The following PRCD variants were observed in gnomAD, a reference collection of about 807,000 sequenced individuals.
The protein encoded by PRCD is photoreceptor disk component PRCD.
Under a neutral mutation model 10.1 loss-of-function variants are expected in PRCD, and 12 were observed. The observed-to-expected ratio is 1.18, with a 90% CI of 0.76 to 1.92. The LOEUF (loss-of-function observed/expected upper bound fraction) is 1.92. Among genes scored for constraint, PRCD ranks in the 40% most tolerant of loss-of-function variants. The probability of loss-of-function intolerance (pLI) is 0.00; values close to 1 mark genes in which losing one functional copy is unlikely to be tolerated. For synonymous variants in PRCD, 31 were observed against 26.2 expected (o/e 1.18, Z -0.56); for missense variants, 61 against 72.2 (o/e 0.84, Z 0.56).
chr17:76,550,714 GA>G, intron 1 of PRCD: 1 of 152,240 alleles, frequency 6.6e-6, no homozygotes, highest in East Asian at 1.9e-4. Flanking sequence ...ATGATTTAGA[GA>G]GTTAGAAACA....
rs2074981280 is a variant in PRCD, at chr17:76,540,656, C to A, written c.143+83C>A. 7.7e-7 allele frequency: 1 copy of A among 1,300,270 alleles called. No homozygotes were observed. The highest frequency in any genetic ancestry group is 1.1e-6 in the Non-Finnish European group (1 of 907,124). 80.5% of individuals were successfully genotyped at this position (1,300,270 alleles called of 1,614,324 possible). A position where few individuals can be genotyped will look rare whatever the true frequency, so the allele number is the denominator to read the frequency against. Reference sequence around the variant, plus strand: ...GCATGCCTGGGGGTGCACGTGTGTGCCTGTGCGCGCCTGTGCGTGCACCGT... The same window carrying A: ...GCATGCCTGGGGGTGCACGTGTGTGACTGTGCGCGCCTGTGCGTGCACCGT... On this transcript the variant is annotated intron_variant, in intron 2 of 4. Coordinates refer to ENST00000592014, the MANE Select transcript of PRCD (RefSeq NM_001077620.3). This position sits in a 1 kb window ranked among gnomAD's most constrained non-coding sequence, Gnocchi z 5.0.
chr17:76,536,064 G>C (rs2074910099), upstream of PRCD, among the ~76,000 whole-genome samples: 1 of 152,176 alleles, frequency 6.6e-6, no homozygotes, highest in Admixed American at 6.5e-5. Context: ...GCACCTGTGG[G>C]GATTGGTGGT....
intron 2 of PRCD, among the ~76,000 whole-genome samples, chr17:76,541,290 C>T (rs191669319): frequency 4.6e-5 from 7 of 152,306 alleles, no homozygotes; most frequent in African/African-American, 1.7e-4. Context: ...TATGGACTCA[C>T]CTAGCGTGGG....
At chr17:76,552,681 T>G (rs2075118647) in intron 1 of PRCD, among the ~76,000 whole-genome samples, 1 of 151,212 alleles carries the variant, frequency 6.6e-6, no homozygotes, top group Non-Finnish European at 1.5e-5. Context: ...CTGGCCAGAA[T>G]GGTGAAACTC....
At chr17:76,535,943 A>T (rs2143113302), upstream of PRCD, among the ~76,000 whole-genome samples, 1 of 152,318 alleles carries the variant, frequency 6.6e-6, no homozygotes. Flanking sequence ...TGCCAGACGC[A>T]TGCAAGGCCG....
chr17:76,540,268 G>A lies in PRCD; in HGVS notation c.74+53G>A, dbSNP rs2074974842. 7.4e-7 allele frequency: 1 copy of A among 1,352,690 alleles called. No homozygotes were observed. The allele number at this position is 1,352,690 out of a possible 1,614,324, so 83.8% of individuals were successfully genotyped here. A position where few individuals can be genotyped will look rare whatever the true frequency, so the allele number is the denominator to read the frequency against. On this transcript the variant is annotated intron_variant, in intron 1 of 4. Transcript: ENST00000592014. The surrounding 1 kb of genome is among the most constrained non-coding windows in gnomAD (Gnocchi z 5.0). ...CGGTTGGTCGGGGGGGGGGGGCATGGGGCTGGGCTGCCACCAAGCTGAAGG... is the reference window on the plus strand; with the variant it reads ...CGGTTGGTCGGGGGGGGGGGGCATGAGGCTGGGCTGCCACCAAGCTGAAGG...
chr17:76,537,247 G>A (rs1312412534), upstream of PRCD, among the ~76,000 whole-genome samples: 1 of 152,168 alleles, frequency 6.6e-6, no homozygotes, highest in South Asian at 2.1e-4. Flanking sequence ...TCACCCCAAG[G>A]CGCCCCACGC....
chr17:76,537,357 C>G (rs1014376974), upstream of PRCD: 12 of 1,544,276 alleles, frequency 7.8e-6, no homozygotes, highest in Non-Finnish European at 1.0e-5. Flanking sequence ...GAGCCGCTGC[C>G]GCCCTCCCTG....
At chr17:76,537,255 C>T (rs2143120797), upstream of PRCD, 4 of 928,294 alleles carry the variant, frequency 4.3e-6, no homozygotes, top group East Asian at 3.5e-5. Flanking sequence ...AGGCGCCCCA[C>T]GCCGCCTGCT....
Position 76,528,194 on chromosome 17 carries a change from C to T in PRCD, n.45+361C>T, listed in dbSNP as rs1295468606. On this transcript the variant is annotated intron_variant and non_coding_transcript_variant, in intron 1 of 4. Coordinates refer to the PRCD transcript ENST00000397633. This position sits in a 1 kb window ranked among gnomAD's most constrained non-coding sequence, Gnocchi z 5.8. The stretch of plus-strand genomic sequence containing the variant: ...TATCTGTATATATGGTAGATGTGTG[C>T]GTGATACTCTAGATGGTGATGTGGA... 16 of 397,218 alleles carry T rather than the reference C, an allele frequency of 4.0e-5. No individual in the cohort carries two copies. In the South Asian group the frequency reaches 4.2e-4, roughly 10 times the overall value. 24.6% of individuals were successfully genotyped at this position (397,218 alleles called of 1,614,324 possible).
chr17:76,545,575 C>T (rs1018883319), downstream of PRCD: 10 of 346,394 alleles, frequency 2.9e-5, no homozygotes, highest in Non-Finnish European at 5.7e-6. Context: ...GCAAGGTGTC[C>T]AGAGTCAGAG....
At chr17:76,527,954 C>T in intron 1 of PRCD, 1 of 378,224 alleles carries the variant, frequency 2.6e-6, no homozygotes, top group South Asian at 1.9e-5. Flanking sequence ...CCGGGTTGCC[C>T]CAGCCCTGCC....
At position 76,544,045 on chromosome 17, in the gene PRCD, G is replaced by A. The variant is rs1459619514; in HGVS notation, c.*395G>A. 6.6e-6 allele frequency: 3 copies of A among 454,782 alleles called. No homozygotes were observed. The highest frequency in any genetic ancestry group is 4.7e-5 in the South Asian group (3 of 64,482). 28.2% of individuals were successfully genotyped at this position (454,782 alleles called of 1,614,324 possible). The stretch of plus-strand genomic sequence containing the variant: ...CTCAGTCCCGGCGGCTGCCTCCTTT[G>A]CCCCCAGCTGCTCTGCCATTTCTCT... On this transcript the variant is annotated 3_prime_UTR_variant, in exon 5 of 5. Coordinates refer to ENST00000592014, the MANE Select transcript of PRCD (RefSeq NM_001077620.3).
Position 76,528,161 on chromosome 17 carries a change from A to G in PRCD, n.45+328A>G, listed in dbSNP as rs1387832967. On this transcript the variant is annotated intron_variant and non_coding_transcript_variant, in intron 1 of 4. Transcript: ENST00000397633. The surrounding 1 kb of genome is among the most constrained non-coding windows in gnomAD (Gnocchi z 5.8). ...ATATATATTTATATATAGCTCGTAT[A>G]TAGAATATATCTGTATATATGGTAG... 2 of 387,680 alleles carry G rather than the reference A, an allele frequency of 5.2e-6. No individual in the cohort carries two copies. Among genetic ancestry groups the G allele is most frequent in the Admixed American group, 4.4e-5 (1 of 22,816 alleles). The allele number at this position is 387,680 out of a possible 1,614,324, so 24.0% of individuals were successfully genotyped here.
chr17:76,537,641 G>A (rs988621145), upstream of PRCD: 5 of 966,938 alleles, frequency 5.2e-6, no homozygotes, highest in African/African-American at 7.1e-5. Context: ...GGCTGCGTGC[G>A]CGGCGGGCGG....
In PRCD at chr17:76,529,936, C is replaced by A. The variant is rs2074814902; in HGVS notation, n.45+2103C>A. On this transcript the variant is annotated intron_variant and non_coding_transcript_variant, in intron 1 of 4. Coordinates refer to the PRCD transcript ENST00000397633. Reference sequence around the variant, plus strand: ...GAGGGGGGAGGGGAGCAGGAGCCAGCCCGGGGCCAGTGTGGTCAGCAGCAG... The same window carrying A: ...GAGGGGGGAGGGGAGCAGGAGCCAGACCGGGGCCAGTGTGGTCAGCAGCAG... 21 of 985,166 alleles carry A rather than the reference C, an allele frequency of 2.1e-5. No individual in the cohort carries two copies. The South Asian group carries it at 9.9e-4, about 46-fold the overall frequency. The allele number at this position is 985,166 out of a possible 1,614,324, so 61.0% of individuals were successfully genotyped here. A position where few individuals can be genotyped will look rare whatever the true frequency, so the allele number is the denominator to read the frequency against.
chr17:76,540,255 G>GTC lies in PRCD; in HGVS notation c.74+40_74+41insTC. On this transcript the variant is annotated intron_variant, in intron 1 of 4. Transcript: ENST00000592014. This position sits in a 1 kb window ranked among gnomAD's most constrained non-coding sequence, Gnocchi z 5.0. ...GGGCTATGGCTGGCGGTTGGTCGGG[G>GTC]GGGGGGGGCATGGGGCTGGGCTGCC... 9.1e-7 allele frequency: 1 copy of GTC among 1,095,562 alleles called. No homozygotes were observed. 67.9% of individuals were successfully genotyped at this position (1,095,562 alleles called of 1,614,324 possible).
At position 76,540,537 on chromosome 17, in the gene PRCD, G is replaced by A. The variant is rs1227914077; in HGVS notation, c.107G>A (p.Gly36Asp). Reference protein sequence around the residue: ...EPSDVDGAARGSSLDADPQSS... With the variant: ...EPSDVDGAARDSSLDADPQSS... ...AGCGACGTGGATGGGGCAGCTAGGG[G>A]CAGCAGCTTGGATGCGGACCCTCAG... The change falls in exon 2 of 5, where the codon GGC becomes GAC. Residue 36 changes from glycine to aspartate, a missense_variant. Gly to Asp is a moderately conservative substitution (Grantham distance 94). Transcript: ENST00000592014. This position sits in a 1 kb window ranked among gnomAD's most constrained non-coding sequence, Gnocchi z 5.0. 2 of 1,613,652 alleles carry A rather than the reference G, an allele frequency of 1.2e-6. No homozygotes were observed. The highest frequency in any genetic ancestry group is 8.5e-7 in the Non-Finnish European group (1 of 1,179,942).
At chr17:76,548,748 A>G (rs2075080081), downstream of PRCD, among the ~76,000 whole-genome samples, 1 of 152,260 alleles carries the variant, frequency 6.6e-6, no homozygotes, top group Non-Finnish European at 1.5e-5. Context: ...CTGTGTCTGG[A>G]GTGCTGTGTG....
Sources: gnomAD v4.1 joint callset for allele counts (sites outside exome capture counted in the v4.1 genomes callset) on GRCh38, gnomAD v4.1.1 for gene constraint, Gnocchi (gnomAD v3.1) non-coding constraint, MANE v1.5 for transcripts, NCBI Gene and HGNC (gene_info 2026-07-23, HGNC 2026-07-21) for gene names.